Variants in STRN observed in about 807,000 individuals in gnomAD.
STRN encodes the protein protein phosphatase 2 regulatory subunit B'''alpha.
A neutral mutation model predicts 96.3 loss-of-function variants in STRN; 53 were observed. That is an observed-to-expected ratio of 0.55 (90% confidence interval 0.44 to 0.69). The LOEUF (loss-of-function observed/expected upper bound fraction) is 0.69, where lower values mean the gene tolerates loss of function less well. STRN is among the 30% of genes least tolerant of loss of function. The pLI, the probability that STRN is intolerant of heterozygous loss-of-function variation, is 0.00. For synonymous variants in STRN, 428 were observed against 355.9 expected (o/e 1.20, Z -2.28); for missense variants, 987 against 963.9 (o/e 1.02, Z -0.32).
intron 1 of STRN, among the ~76,000 whole-genome samples, chr2:36,960,808 T>G (rs571001421): frequency 2.0e-5 from 3 of 152,314 alleles, no homozygotes; most frequent in South Asian, 4.1e-4. Flanking sequence ...AGTATTTATG[T>G]TTTCCATTAA....
rs187841179 is a variant in STRN at position 36,912,517 on chromosome 2, C to T, written c.412+3561G>A. On this transcript the variant is annotated intron_variant, in intron 3 of 17. Transcript: ENST00000263918. ...TCTCTTCTCTTGGTTTCCTTGGTCT[C>T]CTGGTTTTCCTCCTACTGTTAATGT... Among the ~76,000 whole-genome samples, 665 of 152,292 alleles carry T rather than the reference C, an allele frequency of 4.4e-3. 2 individuals are homozygous for T. Among genetic ancestry groups the T allele is most frequent in the Non-Finnish European group, 7.3e-3 (499 of 68,024 alleles).
chr2:36,952,554 T>C (rs1664779021), intron 1 of STRN, among the ~76,000 whole-genome samples: 1 of 152,136 alleles, frequency 6.6e-6, no homozygotes, highest in South Asian at 2.1e-4. Context: ...CTTCCCAAAT[T>C]TCTCACCTAT....
chr2:36,869,525 C>A, intron 11 of STRN, 29 bp downstream of exon 11: 1 of 1,442,930 alleles, frequency 6.9e-7, no homozygotes, highest in Non-Finnish European at 9.2e-7. Flanking sequence ...TTAAAATATT[C>A]AAATAATGTT....
chr2:36,887,200 G>C (rs1347916956), intron 7 of STRN, among the ~76,000 whole-genome samples: 1 of 151,140 alleles, frequency 6.6e-6, no homozygotes, highest in Non-Finnish European at 1.5e-5. Flanking sequence ...AGGCTGAGGC[G>C]GGTGGATCAC....
chr2:36,875,059 A>G (rs937034587), intron 10 of STRN, among the ~76,000 whole-genome samples: 1 of 152,234 alleles, frequency 6.6e-6, no homozygotes, highest in Non-Finnish European at 1.5e-5. Flanking sequence ...AGAATGACAT[A>G]TAAGTAGGGT....
At chr2:36,855,940 A>G (rs929547572) in intron 14 of STRN, among the ~76,000 whole-genome samples, 1 of 152,234 alleles carries the variant, frequency 6.6e-6, no homozygotes, top group South Asian at 2.1e-4. Context: ...AAGGAAACAT[A>G]TAAAGTGAAT....
intron 1 of STRN, among the ~76,000 whole-genome samples, chr2:36,927,923 T>C (rs975104696): frequency 5.3e-5 from 8 of 152,102 alleles, no homozygotes; most frequent in Non-Finnish European, 1.0e-4. Context: ...AATACATGAC[T>C]GATAAAACAC....
At position 36,891,131 on chromosome 2, in the gene STRN, G is replaced by A. The variant is rs190262617; in HGVS notation, c.931+2767C>T. Among the ~76,000 whole-genome samples the A allele has an allele frequency of 6.6e-5, 10 of 152,308 alleles. No homozygotes were observed. In the East Asian group the frequency reaches 1.9e-3, roughly 29 times the overall value. ...TCATGGCAGTGCTCAAAAAGTTTCAGAATTTGGAGCATTTCAGATTTCGAA... is the reference window on the plus strand; with the variant it reads ...TCATGGCAGTGCTCAAAAAGTTTCAAAATTTGGAGCATTTCAGATTTCGAA... On this transcript the variant is annotated intron_variant, in intron 7 of 17. Coordinates refer to ENST00000263918, the MANE Select transcript of STRN (RefSeq NM_003162.4).
chr2:36,938,793 T>C (rs1670769648), intron 1 of STRN, among the ~76,000 whole-genome samples: 1 of 152,206 alleles, frequency 6.6e-6, no homozygotes, highest in Non-Finnish European at 1.5e-5. Flanking sequence ...ATATCTTACT[T>C]AGCAAGTTCT....
At chr2:36,938,604 A>C (rs1670765455) in intron 1 of STRN, among the ~76,000 whole-genome samples, 1 of 152,292 alleles carries the variant, frequency 6.6e-6, no homozygotes, top group East Asian at 1.9e-4. Context: ...TATTTTCATA[A>C]ATAAAAGTGG....
In STRN at chr2:36,849,316, C is replaced by G. The variant is rs1350331639; in HGVS notation, c.*140G>C. The G allele has an allele frequency of 1.7e-5, 17 of 1,028,624 alleles. No individual in the cohort carries two copies. The highest frequency in any genetic ancestry group is 2.2e-4 in the Middle Eastern group (1 of 4,538). 63.7% of individuals were successfully genotyped at this position (1,028,624 alleles called of 1,614,324 possible). ...AGAAAACAGTATATGAATTGCAAAA[C>G]TATACTTCAACAAATGTTCTCTGTG... On this transcript the variant is annotated 3_prime_UTR_variant, in exon 18 of 18. Coordinates refer to ENST00000263918, the MANE Select transcript of STRN (RefSeq NM_003162.4).
chr2:36,866,567 C>T (rs1376735717), intron 12 of STRN, among the ~76,000 whole-genome samples: 2 of 152,128 alleles, frequency 1.3e-5, no homozygotes, highest in Non-Finnish European at 2.9e-5. Flanking sequence ...TTTGGTCAAG[C>T]ATCAAGTTCA....
chr2:36,932,763 T>A (rs1174298796), intron 1 of STRN, among the ~76,000 whole-genome samples: 2 of 152,104 alleles, frequency 1.3e-5, no homozygotes, highest in Non-Finnish European at 2.9e-5. Flanking sequence ...GGTATATTCT[T>A]TCAAAAGCAA....
chr2:36,962,092 T>G (rs1665042769), intron 1 of STRN, among the ~76,000 whole-genome samples: 1 of 152,334 alleles, frequency 6.6e-6, no homozygotes, highest in South Asian at 2.1e-4. Flanking sequence ...CTCAACAATT[T>G]AAGCTTCATA....
At position 36,857,966 on chromosome 2, in the gene STRN, G is replaced by A. The variant is rs1668389026; in HGVS notation, c.1727C>T (p.Ala576Val). The A allele has an allele frequency of 6.2e-7, 1 of 1,613,412 alleles. No homozygotes were observed. Among genetic ancestry groups the A allele is most frequent in the Non-Finnish European group, 8.5e-7 (1 of 1,179,658 alleles). ...LGHTDAVWGL[A>V]YSAAHQRLLS... ...CAAACGCTGATGTGCTGCACTATAA[G>A]CCAAACCCCAGACTGCATCCGTGTG... The change falls in exon 14 of 18, where the codon GCT becomes GTT. Residue 576 changes from alanine to valine, a missense_variant. Physicochemically the swap from Ala to Val is moderately conservative, Grantham distance 64. Transcript: ENST00000263918.
At chr2:36,853,526 T>C (rs972449780) in intron 15 of STRN, among the ~76,000 whole-genome samples, 1 of 152,202 alleles carries the variant, frequency 6.6e-6, no homozygotes, top group Admixed American at 6.5e-5. Context: ...CACTTGATGA[T>C]AAATCAGAGA....
At chr2:36,866,828 T>C (rs181501873) in intron 12 of STRN, among the ~76,000 whole-genome samples, 1 of 152,352 alleles carries the variant, frequency 6.6e-6, no homozygotes, top group African/African-American at 2.4e-5. Flanking sequence ...CTGTTTTGTC[T>C]GAAATTAGAG....
chr2:36,897,694 C>T (rs1669581101), intron 6 of STRN, among the ~76,000 whole-genome samples: 2 of 151,954 alleles, frequency 1.3e-5, no homozygotes, highest in Admixed American at 1.3e-4. Flanking sequence ...GTCTCGGCCT[C>T]CCAAAGTGCT....
At position 36,909,540 on chromosome 2, in the gene STRN, G is replaced by T. The variant is rs1669911750; in HGVS notation, c.413-3922C>A. ...ACTGAGAGAAGGGGAAAGCAAACAG[G>T]TAAGCCTCATGATTATCCCAGACAC... On this transcript the variant is annotated intron_variant, in intron 3 of 17. Coordinates refer to ENST00000263918, the MANE Select transcript of STRN (RefSeq NM_003162.4). Among the ~76,000 whole-genome samples the T allele has an allele frequency of 2.0e-5, 3 of 152,088 alleles. No individual in the cohort carries two copies. The South Asian group carries it at 6.2e-4, about 32-fold the overall frequency.
Sources: allele counts gnomAD v4.1 joint callset (sites outside exome capture counted in the v4.1 genomes callset), GRCh38; gene constraint gnomAD v4.1.1; transcripts MANE v1.5; gene names NCBI Gene and HGNC (gene_info 2026-07-23, HGNC 2026-07-21).